Variants in TXNDC9 observed in about 807,000 individuals in gnomAD.
TXNDC9 encodes thioredoxin domain-containing protein 9.
In TXNDC9, 7 loss-of-function variants were observed where a neutral mutation model predicts 23.0. That is an observed-to-expected ratio of 0.30 (90% CI 0.17 to 0.57). The LOEUF (loss-of-function observed/expected upper bound fraction) is 0.57, where lower values mean the gene tolerates loss of function less well. Among genes scored for constraint, TXNDC9 ranks in the 20% least tolerant of loss-of-function variants. TXNDC9 has a pLI of 0.90. For missense variants in TXNDC9, 198 were observed against 252.6 expected, an observed-to-expected ratio of 0.78 and a Z score of 1.47; for synonymous variants, 72 against 90.6, an observed-to-expected ratio of 0.79 and a Z score of 1.17.
chr2:99,308,706 T>A, the TXNDC9 span, among the ~76,000 whole-genome samples: 3 of 151,988 alleles, frequency 2.0e-5, no homozygotes, highest in Admixed American at 6.6e-5. Context: ...TAAACATTTT[T>A]AAAATAAAAT....
In TXNDC9 at chr2:99,324,683, C is replaced by T. The variant is rs140164937; in HGVS notation, c.309-2474G>A. On this transcript the variant is annotated intron_variant, in intron 3 of 4. Transcript: ENST00000264255. ...CCACCTCCTGGGTTCAAGCAATTCTCCTGGCTCAGCCTCCTAAGAAGCTAG... is the reference window on the plus strand; with the variant it reads ...CCACCTCCTGGGTTCAAGCAATTCTTCTGGCTCAGCCTCCTAAGAAGCTAG... Among the ~76,000 whole-genome samples, 22 of 152,284 alleles carry T rather than the reference C, an allele frequency of 1.4e-4. No individual in the cohort carries two copies. In the East Asian group the frequency reaches 4.1e-3, roughly 28 times the overall value.
At chr2:99,331,730 C>G (rs2094226137) in intron 2 of TXNDC9, among the ~76,000 whole-genome samples, 1 of 151,996 alleles carries the variant, frequency 6.6e-6, no homozygotes, top group Admixed American at 6.6e-5. Flanking sequence ...AACAAAACTC[C>G]TTCTCTTTTT....
the TXNDC9 span, among the ~76,000 whole-genome samples, chr2:99,311,388 A>G: frequency 6.6e-6 from 1 of 152,126 alleles, no homozygotes; most frequent in Non-Finnish European, 1.5e-5. Flanking sequence ...CCTGGGATCA[A>G]GTGATCCTCC....
At chr2:99,336,152 C>T (rs2094239609) in intron 1 of TXNDC9, 87 bp downstream of exon 1, 1 of 974,788 alleles carries the variant, frequency 1.0e-6, no homozygotes, top group Non-Finnish European at 1.2e-6. Context: ...GGGCCGCGCC[C>T]CTCCTCCGCT....
chr2:99,316,885 T>G (rs1257942987), downstream of TXNDC9, among the ~76,000 whole-genome samples: 1 of 152,090 alleles, frequency 6.6e-6, no homozygotes, highest in South Asian at 2.1e-4. Flanking sequence ...GCCTCCCCAG[T>G]AGGTGGGACT....
At chr2:99,314,945 C>T (rs1270736603), downstream of TXNDC9, among the ~76,000 whole-genome samples, 1 of 133,968 alleles carries the variant, frequency 7.5e-6, no homozygotes, top group South Asian at 2.5e-4. Context: ...GCCCAGGCTG[C>T]AGTGCAGTGG....
chr2:99,311,706 A>G, the TXNDC9 span, among the ~76,000 whole-genome samples: 1 of 152,134 alleles, frequency 6.6e-6, no homozygotes, highest in Non-Finnish European at 1.5e-5. Flanking sequence ...GCCTCAAGCC[A>G]TCCTCTGTCC....
At chr2:99,332,530 C>T (rs1486003013) in intron 2 of TXNDC9, among the ~76,000 whole-genome samples, 1 of 152,194 alleles carries the variant, frequency 6.6e-6, no homozygotes, top group Non-Finnish European at 1.5e-5. Flanking sequence ...TCTACACAAA[C>T]ATTCTAAGAG....
At chr2:99,310,089 G>T in the TXNDC9 span, among the ~76,000 whole-genome samples, 3 of 152,194 alleles carry the variant, frequency 2.0e-5, no homozygotes, top group Non-Finnish European at 4.4e-5. Flanking sequence ...TAAAATATTT[G>T]TGAAAGATCA....
chr2:99,312,915 C>T, the TXNDC9 span, among the ~76,000 whole-genome samples: 1 of 152,114 alleles, frequency 6.6e-6, no homozygotes, highest in African/African-American at 2.4e-5. Context: ...GTAATCCCAG[C>T]CCTTTGGGAG....
intron 2 of TXNDC9, among the ~76,000 whole-genome samples, chr2:99,330,315 A>AAAAAAAAAAAAAAAAAAAAAAAAAAC (rs1315870572): frequency 7.0e-6 from 1 of 142,744 alleles, no homozygotes; most frequent in Non-Finnish European, 1.5e-5. Flanking sequence ...AAAAAAAAAA[A>AAAAAAAAAAAAAAAAAAAAAAAAAAC]AAAAGCTGCT....
intron 1 of TXNDC9, 47 bp from the exon 2 acceptor site, chr2:99,333,289 A>C: frequency 6.8e-7 from 1 of 1,473,808 alleles, no homozygotes; most frequent in African/African-American, 1.4e-5. Context: ...GCAAACAATA[A>C]GCAAGGTTTT....
chr2:99,317,045 C>G (rs374249677), downstream of TXNDC9, among the ~76,000 whole-genome samples: 9 of 152,244 alleles, frequency 5.9e-5, no homozygotes, highest in East Asian at 1.4e-3. Flanking sequence ...CGTGAGCTAC[C>G]GCGCCCAGCC....
At chr2:99,321,668 C>T (rs184917179) in intron 4 of TXNDC9, 1 of 251,782 alleles carries the variant, frequency 4.0e-6, no homozygotes, top group African/African-American at 2.2e-5. Context: ...CAGATTAATA[C>T]AAAATTAGTG....
intron 3 of TXNDC9, chr2:99,322,534 A>G (rs1361833437): frequency 6.7e-7 from 1 of 1,483,252 alleles, no homozygotes; most frequent in Non-Finnish European, 8.9e-7. Context: ...ACAAACTGAA[A>G]CTTGACAAAA....
intron 4 of TXNDC9, among the ~76,000 whole-genome samples, chr2:99,320,237 G>C (rs2083631329): frequency 6.6e-6 from 1 of 152,086 alleles, no homozygotes; most frequent in African/African-American, 2.4e-5. Context: ...TGAACTCTTA[G>C]GCTCAAGCAA....
chr2:99,307,179 TG>T, the TXNDC9 span, among the ~76,000 whole-genome samples: 1 of 147,178 alleles, frequency 6.8e-6, no homozygotes, highest in African/African-American at 2.5e-5. Context: ...CAGAAAATGA[TG>T]TGAATAAAGA....
At chr2:99,320,572 G>A (rs555889986) in intron 4 of TXNDC9, among the ~76,000 whole-genome samples, 5 of 152,248 alleles carry the variant, frequency 3.3e-5, no homozygotes, top group South Asian at 4.1e-4. Context: ...AACTAAAGAC[G>A]TAATAACTAA....
At chr2:99,332,185 G>A (rs1215619986) in intron 2 of TXNDC9, among the ~76,000 whole-genome samples, 1 of 152,212 alleles carries the variant, frequency 6.6e-6, no homozygotes, top group Non-Finnish European at 1.5e-5. Context: ...GCTCACGCTT[G>A]TAATCCCATC....
Sources: allele counts gnomAD v4.1 joint callset (sites outside exome capture counted in the v4.1 genomes callset), GRCh38; gene constraint gnomAD v4.1.1; transcripts MANE v1.5; gene names NCBI Gene and HGNC (gene_info 2026-07-23, HGNC 2026-07-21).